The following PLCB4 variants were observed in gnomAD, a reference collection of about 807,000 sequenced individuals.
The protein encoded by PLCB4 is 1-phosphatidylinositol 4,5-bisphosphate phosphodiesterase beta-4.
Under a neutral mutation model 178.8 loss-of-function variants are expected in PLCB4, and 77 were observed. That is an observed-to-expected ratio of 0.43 (90% CI 0.36 to 0.52). The LOEUF is 0.52. PLCB4 is among the 20% of genes least tolerant of loss of function. PLCB4 has a pLI of 0.00. For synonymous variants in PLCB4, 496 were observed against 490.8 expected (o/e 1.01, Z -0.14); for missense variants, 1,024 against 1,453.4 (o/e 0.70, Z 4.80).
chr20:9,086,405 C>A (rs770454626), intron 1 of PLCB4, among the ~76,000 whole-genome samples: 1 of 151,964 alleles, frequency 6.6e-6, no homozygotes, highest in Admixed American at 6.6e-5. Context: ...GTATGATGTG[C>A]ATTGTGGGGT....
intron 35 of PLCB4, among the ~76,000 whole-genome samples, chr20:9,467,620 A>G (rs1260603394): frequency 2.0e-5 from 3 of 152,192 alleles, no homozygotes; most frequent in Non-Finnish European, 2.9e-5. Context: ...TGTTGAATGA[A>G]TGAATACAGA....
chr20:9,339,033 C>T lies in PLCB4; in HGVS notation c.365C>T (p.Thr122Ile), dbSNP rs1389639239. Residue 122 changes from threonine to isoleucine, a missense_variant, in exon 7 of 40, where the codon ACT becomes ATT. Around this residue, in one of 7 missense-constraint regions of PLCB4, gnomAD observed 225 missense variants for 291.0 expected, o/e 0.77. Coordinates refer to ENST00000378473, the MANE Select transcript of PLCB4 (RefSeq NM_001377142.1). ...TYMVAENPEV[T>I]KQWVEGLRSI... ...ATGGTGGCTGAAAATCCAGAAGTAACTAAGGTAGCTTCAGTTAAATGGCCT... is the reference window on the plus strand; with the variant it reads ...ATGGTGGCTGAAAATCCAGAAGTAATTAAGGTAGCTTCAGTTAAATGGCCT... 14 of 1,611,798 alleles carry T rather than the reference C, an allele frequency of 8.7e-6. No individual in the cohort carries two copies. Among genetic ancestry groups the T allele is most frequent in the African/African-American group, 2.7e-5 (2 of 74,812 alleles).
At chr20:9,163,966 T>C (rs1321023537) in intron 2 of PLCB4, among the ~76,000 whole-genome samples, 1 of 152,218 alleles carries the variant, frequency 6.6e-6, no homozygotes, top group Non-Finnish European at 1.5e-5. Flanking sequence ...GAAAGGAAAC[T>C]ATTTTGCGTG....
intron 1 of PLCB4, among the ~76,000 whole-genome samples, chr20:9,086,594 G>A (rs773458143): frequency 6.6e-5 from 10 of 152,114 alleles, no homozygotes; most frequent in Non-Finnish European, 5.9e-5. Flanking sequence ...AAGTTGTAGC[G>A]CCTCAGCTGG....
At chr20:9,296,209 A>G (rs1200454405) in intron 3 of PLCB4, among the ~76,000 whole-genome samples, 2 of 152,158 alleles carry the variant, frequency 1.3e-5, no homozygotes, top group East Asian at 1.9e-4. Flanking sequence ...ATGTGAACAG[A>G]CACTTCTCAA....
intron 3 of PLCB4, among the ~76,000 whole-genome samples, chr20:9,283,668 T>C (rs750740283): frequency 8.6e-5 from 13 of 151,978 alleles, no homozygotes; most frequent in Non-Finnish European, 1.2e-4. Context: ...TTTGCTTATG[T>C]TGAATAGTCT....
At chr20:9,351,118 A>G (rs2034298748) in intron 7 of PLCB4, among the ~76,000 whole-genome samples, 1 of 151,790 alleles carries the variant, frequency 6.6e-6, no homozygotes. Flanking sequence ...TCTTTATGGT[A>G]GTGCTTTCAG....
chr20:9,410,360 G>C (rs1488069443), intron 24 of PLCB4, among the ~76,000 whole-genome samples: 2 of 152,242 alleles, frequency 1.3e-5, no homozygotes, highest in African/African-American at 4.8e-5. Context: ...TGTGTTCTCA[G>C]TTGTCAGTGA....
Position 9,161,414 on chromosome 20 carries a change from G to C in PLCB4, c.-78-55976G>C, listed in dbSNP as rs76043314. 6.1e-3 allele frequency among the ~76,000 whole-genome samples: 926 copies of C among 152,294 alleles called. 11 individuals are homozygous for C. Among genetic ancestry groups the C allele is most frequent in the African/African-American group, 0.021 (890 of 41,556 alleles). On this transcript the variant is annotated intron_variant, in intron 2 of 39. Coordinates refer to ENST00000378473, the MANE Select transcript of PLCB4 (RefSeq NM_001377142.1). ...ACTCAGTGAGAAGATGGACAGTAGA[G>C]AGGTTAACTTGTCCAAAATCAAATC...
At chr20:9,301,902 C>T (rs2094709156) in intron 3 of PLCB4, among the ~76,000 whole-genome samples, 1 of 151,926 alleles carries the variant, frequency 6.6e-6, no homozygotes, top group Non-Finnish European at 1.5e-5. Context: ...TATTTAAAAG[C>T]CTTCTGGCCT....
Position 9,421,799 on chromosome 20 carries a change from CT to C in PLCB4, c.2319+341del, listed in dbSNP as rs1224452279. Among the ~76,000 whole-genome samples, 4 of 152,282 alleles carry C rather than the reference CT, an allele frequency of 2.6e-5. No homozygotes were observed. The East Asian group carries it at 5.8e-4, about 22-fold the overall frequency. On this transcript the variant is annotated intron_variant, in intron 27 of 39. Transcript: ENST00000378473. ...AAGTTACTGGTAACTTACACTATTC[CT>C]TTAGCCAAGTAGTCAGGTAAGATGC...
chr20:9,262,884 TC>T (rs2094311976), intron 3 of PLCB4, among the ~76,000 whole-genome samples: 1 of 152,144 alleles, frequency 6.6e-6, no homozygotes, highest in Admixed American at 6.6e-5. Flanking sequence ...CAAGGCTGTG[TC>T]CAGGAATCTC....
chr20:9,083,760 A>G (rs6086760), intron 1 of PLCB4, among the ~76,000 whole-genome samples: 73,591 of 151,514 alleles, frequency 0.49, 18,316 homozygotes, highest in Middle Eastern at 0.56. Flanking sequence ...ATCTGTGACC[A>G]TACAGGCACA....
chr20:9,123,009 T>C (rs2092008580), intron 2 of PLCB4, among the ~76,000 whole-genome samples: 1 of 152,188 alleles, frequency 6.6e-6, no homozygotes, highest in South Asian at 2.1e-4. Flanking sequence ...CTCTTGAGCA[T>C]ATAGCTATAC....
intron 28 of PLCB4, among the ~76,000 whole-genome samples, chr20:9,431,047 C>T (rs777604835): frequency 3.3e-5 from 5 of 152,208 alleles, no homozygotes; most frequent in African/African-American, 7.2e-5. Flanking sequence ...TAACCACAGA[C>T]TGGGTGGTTT....
chr20:9,075,984 T>G (rs928185581), intron 1 of PLCB4, among the ~76,000 whole-genome samples: 3 of 152,184 alleles, frequency 2.0e-5, no homozygotes, highest in Non-Finnish European at 2.9e-5. Flanking sequence ...CCCTTTAATT[T>G]TTTTGGCTGT....
At chr20:9,353,276 G>T (rs969615557) in intron 7 of PLCB4, among the ~76,000 whole-genome samples, 1 of 152,148 alleles carries the variant, frequency 6.6e-6, no homozygotes, top group African/African-American at 2.4e-5. Context: ...CCTTTATTAT[G>T]CAGGAAAGTC....
chr20:9,142,177 T>C (rs902721940), intron 2 of PLCB4, among the ~76,000 whole-genome samples: 1 of 152,088 alleles, frequency 6.6e-6, no homozygotes, highest in African/African-American at 2.4e-5. Flanking sequence ...CTGGGAGATG[T>C]TGTGGTCAGC....
chr20:9,182,085 C>A (rs560463907), intron 2 of PLCB4, among the ~76,000 whole-genome samples: 1 of 152,006 alleles, frequency 6.6e-6, no homozygotes, highest in East Asian at 1.9e-4. Context: ...ATAACCTGGC[C>A]CGTGGAAAAT....
Sources: allele counts gnomAD v4.1 joint callset (sites outside exome capture counted in the v4.1 genomes callset), GRCh38; gene constraint gnomAD v4.1.1; regional missense constraint gnomAD v4.1.1; transcripts MANE v1.5; gene names NCBI Gene and HGNC (gene_info 2026-07-23, HGNC 2026-07-21).